Variants in SLC25A13 observed in about 807,000 individuals in gnomAD.
The protein encoded by SLC25A13 is electrogenic aspartate/glutamate antiporter SLC25A13, mitochondrial.
A neutral mutation model predicts 85.5 loss-of-function variants in SLC25A13; 70 were observed. The observed-to-expected ratio is 0.82, with a 90% CI of 0.68 to 1.00. The LOEUF (loss-of-function observed/expected upper bound fraction) is 1.00. Among genes scored for constraint, SLC25A13 ranks in the 50% least tolerant of loss-of-function variants. The pLI, the probability that SLC25A13 is intolerant of heterozygous loss-of-function variation, is 0.00. For synonymous variants in SLC25A13, 259 were observed against 288.7 expected (o/e 0.90, Z 1.04); for missense variants, 765 against 819.8 (o/e 0.93, Z 0.82).
intron 4 of SLC25A13, among the ~76,000 whole-genome samples, chr7:96,231,847 C>A (rs1329723326): frequency 6.6e-6 from 1 of 151,956 alleles, no homozygotes; most frequent in Non-Finnish European, 1.5e-5. Context: ...TAGAGAAATG[C>A]AAATCAAAAC....
intron 1 of SLC25A13, among the ~76,000 whole-genome samples, chr7:96,311,241 C>T (rs569391852): frequency 3.1e-4 from 47 of 152,176 alleles, no homozygotes; most frequent in Non-Finnish European, 2.9e-4. Flanking sequence ...TCTGAAACCA[C>T]TGACCAAAAC....
chr7:96,249,940 T>C (rs958246189), intron 3 of SLC25A13, among the ~76,000 whole-genome samples: 5 of 148,802 alleles, frequency 3.4e-5, no homozygotes, highest in African/African-American at 9.9e-5. Flanking sequence ...TCCCAGCACC[T>C]TGGGAGGCTA....
intron 11 of SLC25A13, among the ~76,000 whole-genome samples, chr7:96,178,593 C>A (rs1794312082): frequency 6.6e-6 from 1 of 152,198 alleles, no homozygotes; most frequent in African/African-American, 2.4e-5. Flanking sequence ...TCTTACCCTT[C>A]TGACCTCACT....
At chr7:96,145,929 GTTT>G (rs1002402974) in intron 14 of SLC25A13, among the ~76,000 whole-genome samples, 1 of 151,952 alleles carries the variant, frequency 6.6e-6, no homozygotes, top group African/African-American at 2.4e-5. Flanking sequence ...AGCGTAAAAT[GTTT>G]TTTTAAAAAA....
rs535168880 is a variant in SLC25A13, at chr7:96,253,424, G to A, written c.213-18507C>T. Among the ~76,000 whole-genome samples, 195 of 152,246 alleles carry A rather than the reference G, an allele frequency of 1.3e-3. 3 individuals are homozygous for A. Among genetic ancestry groups the A allele is most frequent in the African/African-American group, 4.5e-3 (186 of 41,548 alleles). ...CTGGGTGACAACACAAGCATTCACC[G>A]AGCAAGTAACAACCCCATTTAATCA... On this transcript the variant is annotated intron_variant, in intron 3 of 17. Transcript: ENST00000265631.
intron 11 of SLC25A13, among the ~76,000 whole-genome samples, chr7:96,172,250 G>A (rs1794033503): frequency 6.6e-6 from 1 of 151,994 alleles, no homozygotes. Flanking sequence ...AACATAATCT[G>A]ACCTCCTTGT....
intron 3 of SLC25A13, among the ~76,000 whole-genome samples, chr7:96,268,358 A>C (rs950967493): frequency 4.6e-5 from 7 of 152,206 alleles, no homozygotes; most frequent in Admixed American, 2.0e-4. Flanking sequence ...TCTCATTTTG[A>C]ATGAAAAAAT....
chr7:96,195,432 C>G (rs1230468195), intron 5 of SLC25A13, among the ~76,000 whole-genome samples: 1 of 152,172 alleles, frequency 6.6e-6, no homozygotes, highest in Non-Finnish European at 1.5e-5. Context: ...AGACTTTCCT[C>G]AGACCTCATC....
chr7:96,247,589 A>C (rs2116856298), intron 3 of SLC25A13, among the ~76,000 whole-genome samples: 1 of 152,282 alleles, frequency 6.6e-6, no homozygotes, highest in African/African-American at 2.4e-5. Context: ...GACTAGGGAG[A>C]ATGCACTCAA....
chr7:96,250,321 TATCCTC>T (rs1185323508), intron 3 of SLC25A13, among the ~76,000 whole-genome samples: 1 of 152,172 alleles, frequency 6.6e-6, no homozygotes, highest in Non-Finnish European at 1.5e-5. Context: ...GTAGATGCAA[TATCCTC>T]AGTGAATCTA....
At chr7:96,304,978 G>A (rs1412748308) in intron 1 of SLC25A13, among the ~76,000 whole-genome samples, 4 of 152,234 alleles carry the variant, frequency 2.6e-5, no homozygotes, top group Middle Eastern at 6.8e-3. Context: ...CTTTGGAGCC[G>A]GATCACTTAT....
At chr7:96,172,021 T>C (rs1193651891) in intron 11 of SLC25A13, among the ~76,000 whole-genome samples, 1 of 128,412 alleles carries the variant, frequency 7.8e-6, no homozygotes, top group South Asian at 2.8e-4. Context: ...TAGGAGCATG[T>C]TGCACCCTGT....
intron 2 of SLC25A13, among the ~76,000 whole-genome samples, chr7:96,282,856 CAT>C (rs1798739281): frequency 6.6e-6 from 1 of 152,046 alleles, no homozygotes; most frequent in Non-Finnish European, 1.5e-5. Context: ...GGCCAATAAA[CAT>C]ATTGCTCTAT....
chr7:96,234,415 T>C (rs1327023041), intron 4 of SLC25A13, among the ~76,000 whole-genome samples: 9 of 152,082 alleles, frequency 5.9e-5, no homozygotes, highest in East Asian at 1.9e-4. Flanking sequence ...AGACAAGAAG[T>C]ATAGGGTGCA....
chr7:96,270,545 A>G (rs1339967427), intron 3 of SLC25A13, among the ~76,000 whole-genome samples: 1 of 149,240 alleles, frequency 6.7e-6, no homozygotes, highest in Non-Finnish European at 1.5e-5. Flanking sequence ...ACAGAGCAAG[A>G]CTCCATCTCC....
intron 2 of SLC25A13, among the ~76,000 whole-genome samples, chr7:96,285,336 T>A (rs2116963758): frequency 6.6e-6 from 1 of 152,288 alleles, no homozygotes; most frequent in East Asian, 1.9e-4. Context: ...GAATGCTTCC[T>A]ACTGTTTAGT....
intron 5 of SLC25A13, among the ~76,000 whole-genome samples, chr7:96,203,766 C>CA (rs930914420): frequency 7.2e-5 from 11 of 151,894 alleles, no homozygotes; most frequent in African/African-American, 2.4e-4. Context: ...CAGTATCAAA[C>CA]AAAAAAACCT....
chr7:96,177,333 C>T (rs1417053756), intron 11 of SLC25A13, among the ~76,000 whole-genome samples: 3 of 152,166 alleles, frequency 2.0e-5, no homozygotes, highest in Non-Finnish European at 4.4e-5. Context: ...CAACACATTT[C>T]AACTATGTTA....
intron 3 of SLC25A13, among the ~76,000 whole-genome samples, chr7:96,239,221 A>T (rs1416246963): frequency 1.3e-5 from 2 of 149,812 alleles, no homozygotes; most frequent in African/African-American, 4.9e-5. Context: ...ACATCTATGC[A>T]GGAGGTATAT....
Sources: allele counts gnomAD v4.1 joint callset (sites outside exome capture counted in the v4.1 genomes callset), GRCh38; gene constraint gnomAD v4.1.1; transcripts MANE v1.5; gene names NCBI Gene and HGNC (gene_info 2026-07-23, HGNC 2026-07-21).